EPHA6: variants seen among roughly 807,000 people sequenced by gnomAD.
EPHA6 encodes the protein EPH receptor A6.
A neutral mutation model predicts 112.0 loss-of-function variants in EPHA6; 50 were observed. The ratio of observed to expected loss-of-function variants is 0.45; its 90% CI spans 0.36 to 0.56. The LOEUF is 0.56. Ranked by LOEUF, EPHA6 falls within the 20% of genes least tolerant of loss-of-function variation. The probability of loss-of-function intolerance (pLI) is 0.00; values close to 1 mark genes in which losing one functional copy is unlikely to be tolerated. For synonymous variants in EPHA6, 529 were observed against 490.7 expected, an observed-to-expected ratio of 1.08 and a Z score of -1.03; for missense variants, 1,280 against 1,417.4, an observed-to-expected ratio of 0.90 and a Z score of 1.56.
chr3:96,892,950 A>ATGTGTGTGTG (rs1398094685), intron 2 of EPHA6, among the ~76,000 whole-genome samples: 2 of 136,346 alleles, frequency 1.5e-5, no homozygotes, highest in African/African-American at 3.4e-5. Context: ...TTATATATAT[A>ATGTGTGTGTG]TATATGTGTG....
In EPHA6 at chr3:96,884,797, G is replaced by A. The variant is rs1417106023; in HGVS notation, c.450+17908G>A. On this transcript the variant is annotated intron_variant, in intron 2 of 17. Coordinates refer to ENST00000389672, the MANE Select transcript of EPHA6 (RefSeq NM_001080448.3). ...TGGTGAGAGTGGGCATCCTTATCTT[G>A]TTCCAGTTCTCAGAGGGAATGCTTT... is the stretch of plus-strand genomic sequence containing the variant. 2.0e-5 allele frequency among the ~76,000 whole-genome samples: 3 copies of A among 152,144 alleles called. No homozygotes were observed. The East Asian group carries it at 5.8e-4, about 29-fold the overall frequency.
intron 6 of EPHA6, among the ~76,000 whole-genome samples, chr3:97,423,893 T>G (rs2075079108): frequency 6.6e-6 from 1 of 151,896 alleles, no homozygotes. Flanking sequence ...CAAAAACAAG[T>G]GATGGGGAAA....
chr3:97,135,679 G>A (rs1207975451), intron 3 of EPHA6, among the ~76,000 whole-genome samples: 1 of 150,698 alleles, frequency 6.6e-6, no homozygotes, highest in Admixed American at 6.6e-5. Flanking sequence ...GTTTCCCGGT[G>A]ATGCCCATAC....
chr3:96,998,095 TC>T (rs1194027099), intron 3 of EPHA6, among the ~76,000 whole-genome samples: 1 of 148,150 alleles, frequency 6.7e-6, no homozygotes, highest in African/African-American at 2.6e-5. Context: ...GAAGTCATAT[TC>T]CTGTAGGGCT....
At chr3:96,897,513 G>A (rs2038345871) in intron 2 of EPHA6, among the ~76,000 whole-genome samples, 1 of 152,116 alleles carries the variant, frequency 6.6e-6, no homozygotes, top group Non-Finnish European at 1.5e-5. Context: ...TGAGTCGTCT[G>A]TTCAGAGATT....
At chr3:97,570,922 C>G (rs2093326733) in intron 11 of EPHA6, among the ~76,000 whole-genome samples, 1 of 152,098 alleles carries the variant, frequency 6.6e-6, no homozygotes, top group Non-Finnish European at 1.5e-5. Flanking sequence ...CTTCCACCAG[C>G]ACTGTAGAGT....
intron 15 of EPHA6, among the ~76,000 whole-genome samples, chr3:97,722,670 T>C (rs942914168): frequency 6.6e-6 from 1 of 152,054 alleles, no homozygotes; most frequent in African/African-American, 2.4e-5. Flanking sequence ...TATAACATGA[T>C]AATCACTGCT....
At chr3:97,721,570 T>A (rs1221400122) in intron 15 of EPHA6, among the ~76,000 whole-genome samples, 1 of 152,302 alleles carries the variant, frequency 6.6e-6, no homozygotes, top group East Asian at 1.9e-4. Context: ...GCTCAGTCAT[T>A]GTTCTCCAAA....
chr3:97,688,621 T>C (rs2032431225), intron 14 of EPHA6, among the ~76,000 whole-genome samples: 1 of 150,718 alleles, frequency 6.6e-6, no homozygotes, highest in African/African-American at 2.4e-5. Flanking sequence ...ATATACCTAA[T>C]GTAAATGATG....
intron 2 of EPHA6, among the ~76,000 whole-genome samples, chr3:96,937,495 T>G (rs1388394636): frequency 6.6e-6 from 1 of 152,200 alleles, no homozygotes; most frequent in Non-Finnish European, 1.5e-5. Flanking sequence ...CATTGTAGAT[T>G]CTGGATATTA....
chr3:96,925,564 T>C (rs534706752), intron 2 of EPHA6, among the ~76,000 whole-genome samples: 1 of 152,004 alleles, frequency 6.6e-6, no homozygotes, highest in Admixed American at 6.6e-5. Context: ...GGTCATTCAA[T>C]TTTATCATTT....
At chr3:97,139,797 A>G (rs2075853270) in intron 3 of EPHA6, among the ~76,000 whole-genome samples, 1 of 152,240 alleles carries the variant, frequency 6.6e-6, no homozygotes, top group African/African-American at 2.4e-5. Flanking sequence ...ACACCCCCAA[A>G]GGATCACATT....
chr3:97,098,279 C>A (rs557251865), intron 3 of EPHA6, among the ~76,000 whole-genome samples: 11 of 151,840 alleles, frequency 7.2e-5, no homozygotes, highest in Non-Finnish European at 1.2e-4. Flanking sequence ...TCTAAAACAT[C>A]CAAACAATTC....
chr3:97,228,079 C>T (rs564446231), intron 4 of EPHA6, among the ~76,000 whole-genome samples: 1 of 152,170 alleles, frequency 6.6e-6, no homozygotes, highest in African/African-American at 2.4e-5. Flanking sequence ...TCATCATAGT[C>T]GGGATCCCAG....
At position 97,509,195 on chromosome 3, in the gene EPHA6, A is replaced by G. The variant is rs145373302; in HGVS notation, c.2201-23163A>G. Reference sequence around the variant, plus strand: ...ATTTAGACCATTTACATTTAAGGGTAATATTGCTATGCGTGAATTTGATCC... The same window carrying G: ...ATTTAGACCATTTACATTTAAGGGTGATATTGCTATGCGTGAATTTGATCC... On this transcript the variant is annotated intron_variant, in intron 10 of 17. Transcript: ENST00000389672. 6.5e-3 allele frequency among the ~76,000 whole-genome samples: 993 copies of G among 151,656 alleles called. 12 individuals carry two copies. Among genetic ancestry groups the G allele is most frequent in the African/African-American group, 0.022 (913 of 41,356 alleles).
chr3:96,885,716 A>G (rs1160155591), intron 2 of EPHA6, among the ~76,000 whole-genome samples: 1 of 151,682 alleles, frequency 6.6e-6, no homozygotes, highest in Admixed American at 6.6e-5. Context: ...TTTAATTTCA[A>G]TTTCATTTAG....
At chr3:97,297,624 AAGTCCATATCTCAAGAT>A (rs1187685168) in intron 5 of EPHA6, among the ~76,000 whole-genome samples, 1 of 152,158 alleles carries the variant, frequency 6.6e-6, no homozygotes, top group African/African-American at 2.4e-5. Context: ...AATAGTAGTA[AAGTCCATATCTCAAGAT>A]GGATTAACTA....
chr3:97,481,145 A>T, intron 9 of EPHA6: 1 of 711,334 alleles, frequency 1.4e-6, no homozygotes, highest in Non-Finnish European at 2.5e-6. Flanking sequence ...TGGAGGTTGT[A>T]GAGAGCCGAG....
At chr3:97,592,529 A>T in intron 11 of EPHA6, 83 bp from the exon 12 acceptor site, 1 of 1,518,442 alleles carries the variant, frequency 6.6e-7, no homozygotes, top group Non-Finnish European at 9.0e-7. Context: ...GTCTTTGTTG[A>T]TTTTAGGTTT....
Sources: gnomAD v4.1 joint callset for allele counts (sites outside exome capture counted in the v4.1 genomes callset) on GRCh38, gnomAD v4.1.1 for gene constraint, MANE v1.5 for transcripts, NCBI Gene and HGNC (gene_info 2026-07-23, HGNC 2026-07-21) for gene names.